CUX1: variants seen among roughly 807,000 people sequenced by gnomAD.
CUX1 encodes cut like homeobox 1, also known as protein CASP.
Under a neutral mutation model 158.8 loss-of-function variants are expected in CUX1, and 31 were observed. The ratio of observed to expected loss-of-function variants is 0.20; its 90% CI spans 0.15 to 0.26. CUX1 has a LOEUF of 0.26. Among genes scored for constraint, CUX1 ranks in the 10% least tolerant of loss-of-function variants. The pLI is 1.00. For synonymous variants in CUX1, 879 were observed against 862.1 expected (o/e 1.02, Z -0.34); for missense variants, 1,589 against 2,014.6 (o/e 0.79, Z 4.04).
At chr7:102,267,834 G>A (rs578092101) in intron 14 of CUX1, among the ~76,000 whole-genome samples, 3 of 152,174 alleles carry the variant, frequency 2.0e-5, no homozygotes, top group South Asian at 4.2e-4. Flanking sequence ...GCCCGGCTAA[G>A]TTTTGTATTT....
chr7:102,067,289 G>T (rs1825653524), intron 3 of CUX1, among the ~76,000 whole-genome samples: 1 of 130,902 alleles, frequency 7.6e-6, no homozygotes, highest in African/African-American at 3.0e-5. Flanking sequence ...CTGGAGTACA[G>T]TGGTGTGATC....
At position 102,014,005 on chromosome 7, in the gene CUX1, T is replaced by G. The variant is rs373163680; in HGVS notation, c.142-14093T>G. Among the ~76,000 whole-genome samples, 10 of 152,308 alleles carry G rather than the reference T, an allele frequency of 6.6e-5. No individual in the cohort carries two copies. The South Asian group carries it at 1.2e-3, about 19-fold the overall frequency. On this transcript the variant is annotated intron_variant, in intron 2 of 23. Coordinates refer to ENST00000292535, the MANE Select transcript of CUX1 (RefSeq NM_181552.4). The stretch of plus-strand genomic sequence containing the variant: ...TAGGCATGCATCAACATGCCCAGCC[T>G]GTTTTTTGTTTTAATCTGTTATTGA...
intron 20 of CUX1, among the ~76,000 whole-genome samples, chr7:102,226,224 C>T (rs1487667957): frequency 1.3e-5 from 2 of 152,168 alleles, no homozygotes; most frequent in African/African-American, 4.8e-5. Context: ...CTGGCTTGTC[C>T]ACACCAGCCC....
At chr7:101,959,382 A>C (rs114990125) in intron 2 of CUX1, 2 of 151,352 alleles carry the variant, frequency 1.3e-5, no homozygotes, top group African/African-American at 4.9e-5. Context: ...AAGTTTTCCT[A>C]TTTCTCTCCC....
intron 1 of CUX1, among the ~76,000 whole-genome samples, chr7:101,895,586 A>G (rs1278990900): frequency 1.3e-5 from 2 of 152,186 alleles, no homozygotes; most frequent in Non-Finnish European, 2.9e-5. Flanking sequence ...TCTGTCCCAT[A>G]GATAGACTCA....
intron 3 of CUX1, among the ~76,000 whole-genome samples, chr7:102,043,680 G>T (rs143041144): frequency 6.6e-6 from 1 of 152,016 alleles, no homozygotes; most frequent in African/African-American, 2.4e-5. Context: ...AAATAGTGCC[G>T]CAGTATACAT....
At chr7:102,191,930 C>T (rs758971393) in intron 12 of CUX1, among the ~76,000 whole-genome samples, 3 of 152,178 alleles carry the variant, frequency 2.0e-5, no homozygotes, top group Non-Finnish European at 4.4e-5. Flanking sequence ...CAGGCTGCCC[C>T]TACCCCCACT....
At chr7:102,171,592 C>T (rs573940712) in intron 10 of CUX1, among the ~76,000 whole-genome samples, 2 of 151,958 alleles carry the variant, frequency 1.3e-5, no homozygotes, top group African/African-American at 2.4e-5. Context: ...GGACTGCAGG[C>T]GCACACCACC....
intron 2 of CUX1, among the ~76,000 whole-genome samples, chr7:102,000,861 T>C (rs1027306680): frequency 3.3e-5 from 5 of 151,874 alleles, no homozygotes; most frequent in African/African-American, 7.3e-5. Context: ...CCTCAAACTC[T>C]TGGGCTCAGG....
At chr7:102,272,050 G>A (rs1169679512) in intron 14 of CUX1, among the ~76,000 whole-genome samples, 14 of 152,248 alleles carry the variant, frequency 9.2e-5, no homozygotes, top group Admixed American at 7.2e-4. Flanking sequence ...AAATCCATTC[G>A]GGGCCTGAAC....
chr7:102,235,217 C>T (rs200399935), intron 22 of CUX1, among the ~76,000 whole-genome samples: 6 of 152,220 alleles, frequency 3.9e-5, no homozygotes, highest in East Asian at 3.8e-4. Context: ...AGTTTCTAAG[C>T]GCTGGTCCTC....
Position 101,975,454 on chromosome 7 carries a change from A to G in CUX1, c.142-52644A>G, listed in dbSNP as rs141562368. 7.4e-3 allele frequency among the ~76,000 whole-genome samples: 1,131 copies of G among 152,026 alleles called. 13 individuals are homozygous for G. The highest frequency in any genetic ancestry group is 0.026 in the African/African-American group (1,062 of 41,472). ...TGCTTGTAGTCCCAGCTACTCAGGAAGCTGAGGTGGGAGGATCACTTGAGC... is the reference window on the plus strand; with the variant it reads ...TGCTTGTAGTCCCAGCTACTCAGGAGGCTGAGGTGGGAGGATCACTTGAGC... On this transcript the variant is annotated intron_variant, in intron 2 of 23. Transcript: ENST00000292535.
At chr7:101,914,779 G>A (rs1210869840) in intron 1 of CUX1, among the ~76,000 whole-genome samples, 3 of 152,088 alleles carry the variant, frequency 2.0e-5, no homozygotes, top group African/African-American at 2.4e-5. Flanking sequence ...GATTACAGGC[G>A]TGAGCCACCT....
intron 5 of CUX1, among the ~76,000 whole-genome samples, chr7:102,099,463 G>C (rs1237802387): frequency 2.8e-5 from 4 of 143,030 alleles, no homozygotes; most frequent in Non-Finnish European, 6.0e-5. Flanking sequence ...TACCCTAAAG[G>C]GGAGTATCCT....
At chr7:102,259,966 G>A (rs2529118), downstream of CUX1, among the ~76,000 whole-genome samples, 1 of 151,864 alleles carries the variant, frequency 6.6e-6, no homozygotes, top group Non-Finnish European at 1.5e-5. Flanking sequence ...ATGGTGGCAT[G>A]TGCCTGTAGT....
At chr7:102,193,226 T>A (rs1794463803) in intron 12 of CUX1, among the ~76,000 whole-genome samples, 2 of 152,234 alleles carry the variant, frequency 1.3e-5, no homozygotes, top group Non-Finnish European at 2.9e-5. Flanking sequence ...CTTACAACTT[T>A]TTCCTTCCCT....
exon 21 of CUX1, chr7:102,281,894 C>T (rs989199107): frequency 1.2e-6 from 2 of 1,613,160 alleles, no homozygotes; most frequent in Admixed American, 3.3e-5. Flanking sequence ...CTTCTACACA[C>T]TGTTCCTGCA....
At chr7:102,281,960 TC>T in intron 21 of CUX1, 1 of 1,407,752 alleles carries the variant, frequency 7.1e-7, no homozygotes, top group Non-Finnish European at 1.0e-6. Flanking sequence ...ACATTCACCA[TC>T]CCCAGCCCTG....
chr7:102,084,918 T>C (rs1471084512), intron 4 of CUX1, among the ~76,000 whole-genome samples: 1 of 136,018 alleles, frequency 7.4e-6, no homozygotes, highest in Non-Finnish European at 1.5e-5. Flanking sequence ...TGACTAGAAG[T>C]AGAGAAAGCA....
Sources: allele counts gnomAD v4.1 joint callset (sites outside exome capture counted in the v4.1 genomes callset), GRCh38; gene constraint gnomAD v4.1.1; transcripts MANE v1.5; gene names NCBI Gene and HGNC (gene_info 2026-07-23, HGNC 2026-07-21).